Variants in MTERF4 observed in about 807,000 individuals in gnomAD.
The protein encoded by MTERF4 is mitochondrial transcription termination factor 4.
A neutral mutation model predicts 22.5 loss-of-function variants in MTERF4; 17 were observed. That is an observed-to-expected ratio of 0.75 (90% CI 0.52 to 1.13). The LOEUF (loss-of-function observed/expected upper bound fraction) is 1.13, where lower values mean the gene tolerates loss of function less well. MTERF4 is among the 50% of genes most tolerant of loss of function. The probability of loss-of-function intolerance (pLI) is 0.00; values close to 1 mark genes in which losing one functional copy is unlikely to be tolerated. For synonymous variants in MTERF4, 165 were observed against 175.3 expected (o/e 0.94, Z 0.47); for missense variants, 420 against 466.8 (o/e 0.90, Z 0.92).
At chr2:241,089,646 A>T (rs1034565054), downstream of MTERF4, among the ~76,000 whole-genome samples, 1 of 152,122 alleles carries the variant, frequency 6.6e-6, no homozygotes, top group African/African-American at 2.4e-5. Context: ...TCCCGCTCCC[A>T]CCTCACCCTC....
the MTERF4 span, chr2:241,063,312 G>A: frequency 1.2e-3 from 609 of 521,120 alleles, no homozygotes; most frequent in Non-Finnish European, 1.7e-3. Context: ...CCAGGGAGCC[G>A]TGCCCAGTCG....
At chr2:241,087,455 C>A, downstream of MTERF4, 1 of 1,603,246 alleles carries the variant, frequency 6.2e-7, no homozygotes, top group Non-Finnish European at 8.5e-7. Flanking sequence ...AAAGCACAAG[C>A]CTCAAGAAGA....
At chr2:241,087,234 A>G (rs13411556), downstream of MTERF4, 77,485 of 619,280 alleles carry the variant, frequency 0.13, 6,749 homozygotes, top group African/African-American at 0.34. Flanking sequence ...TATGTTAGAC[A>G]TTTTAATACA....
In MTERF4 at chr2:241,102,127, A is replaced by G. The variant is rs557910239; in HGVS notation, c.21+126T>C. The stretch of plus-strand genomic sequence containing the variant: ...GGGTCCAGGATGCCAAAACCAGGTC[A>G]GCGTGCACGGACCTCCGGGAGGGCT... On this transcript the variant is annotated intron_variant, in intron 1 of 3. Coordinates refer to ENST00000391980, the MANE Select transcript of MTERF4 (RefSeq NM_182501.4). 2.5e-5 allele frequency: 33 copies of G among 1,315,808 alleles called. No homozygotes were observed. The African/African-American group carries it at 3.8e-4, about 15-fold the overall frequency. 81.5% of individuals were successfully genotyped at this position (1,315,808 alleles called of 1,614,324 possible). A position where few individuals can be genotyped will look rare whatever the true frequency, so the allele number is the denominator to read the frequency against.
the MTERF4 span, among the ~76,000 whole-genome samples, chr2:241,057,934 T>C: frequency 3.2e-4 from 48 of 152,066 alleles, no homozygotes; most frequent in Non-Finnish European, 6.3e-4. Context: ...AAAAAAGTAA[T>C]CAGAAGAACA....
the MTERF4 span, chr2:241,050,176 A>G: frequency 3.5e-6 from 2 of 569,388 alleles, no homozygotes; most frequent in Non-Finnish European, 6.3e-6. Context: ...AATAGGCTTC[A>G]TTGCCTGCTC....
chr2:241,069,595 C>A (rs796866596), downstream of MTERF4, among the ~76,000 whole-genome samples: 5 of 152,306 alleles, frequency 3.3e-5, 1 homozygote, highest in African/African-American at 1.2e-4. This position sits in a 1 kb window ranked among gnomAD's most constrained non-coding sequence, Gnocchi z 4.9. Flanking sequence ...GCAGGGGAGT[C>A]TGCACAGGGC....
chr2:241,081,562 AGAG>A (rs2063330420), intron 4 of MTERF4: 3 of 755,378 alleles, frequency 4.0e-6, no homozygotes, highest in Admixed American at 4.2e-5. Flanking sequence ...AGCACACCAC[AGAG>A]GAGTGCACGG....
the MTERF4 span, among the ~76,000 whole-genome samples, chr2:241,058,708 T>C: frequency 5.3e-5 from 8 of 152,214 alleles, no homozygotes; most frequent in Admixed American, 4.6e-4. Flanking sequence ...CGCAGCACTT[T>C]AGGAGGCCGA....
chr2:241,058,416 G>A, the MTERF4 span, among the ~76,000 whole-genome samples: 1 of 152,082 alleles, frequency 6.6e-6, no homozygotes, highest in African/African-American at 2.4e-5. Context: ...GAAAAAAGTA[G>A]AAGGAAAGAG....
At chr2:241,071,879 G>A (rs1482381483), downstream of MTERF4, 21 of 1,597,642 alleles carry the variant, frequency 1.3e-5, no homozygotes, top group Non-Finnish European at 1.6e-5. Flanking sequence ...GTGAGATCAC[G>A]TGAGTGCCAG....
At chr2:241,049,676 G>A in the MTERF4 span, 1 of 633,568 alleles carries the variant, frequency 1.6e-6, no homozygotes, top group Non-Finnish European at 2.8e-6. Context: ...GAATCAAGAT[G>A]CCCACAGAGT....
chr2:241,053,089 C>A, the MTERF4 span: 106 of 1,499,110 alleles, frequency 7.1e-5, no homozygotes, highest in Non-Finnish European at 8.9e-5. Flanking sequence ...CGGGCAGAGG[C>A]AGGGCGGTGG....
downstream of MTERF4, chr2:241,071,708 C>T: frequency 4.1e-6 from 6 of 1,474,114 alleles, no homozygotes; most frequent in South Asian, 3.7e-5. Context: ...GAGACCCCCA[C>T]CCAGCCCCCC....
At chr2:241,088,071 CTTCCCTAGG>C (rs938650824), downstream of MTERF4, 705 of 467,408 alleles carry the variant, frequency 1.5e-3, 4 homozygotes, top group South Asian at 3.4e-3. Flanking sequence ...GTCACCGGCT[CTTCCCTAGG>C]GTAGCTTTTG....
Position 241,096,857 on chromosome 2 carries a change from A to G in MTERF4, c.705+386T>C. 1 of 568,052 alleles carries G rather than the reference A, an allele frequency of 1.8e-6. No individual in the cohort carries two copies. The highest frequency in any genetic ancestry group is 3.2e-6 in the Non-Finnish European group (1 of 316,948). 35.2% of individuals were successfully genotyped at this position (568,052 alleles called of 1,614,324 possible). On this transcript the variant is annotated intron_variant, in intron 3 of 3. Transcript: ENST00000391980. The surrounding 1 kb of genome is among the most constrained non-coding windows in gnomAD (Gnocchi z 5.1). Reference sequence around the variant, plus strand: ...ATTACATTTTCAAAATCAACATGCAAAATAGATTCTAAGGACAGGAAGGTT... The same window carrying G: ...ATTACATTTTCAAAATCAACATGCAGAATAGATTCTAAGGACAGGAAGGTT...
the MTERF4 span, chr2:241,049,146 C>T: frequency 5.6e-3 from 8,935 of 1,602,062 alleles, 465 homozygotes; most frequent in African/African-American, 0.11. Context: ...GTGAGTAGCT[C>T]GGGGACGAGC....
chr2:241,052,914 G>T, the MTERF4 span, among the ~76,000 whole-genome samples: 1 of 151,354 alleles, frequency 6.6e-6, no homozygotes, highest in Non-Finnish European at 1.5e-5. Context: ...CTAGAGGGGG[G>T]TCAAGTGGGG....
chr2:241,072,248 G>A, exon 5 of MTERF4: 1 of 457,004 alleles, frequency 2.2e-6, no homozygotes, highest in Non-Finnish European at 4.3e-6. Flanking sequence ...GGCCATGAGG[G>A]TCTAACCCGC....
Sources: gnomAD v4.1 joint callset for allele counts (sites outside exome capture counted in the v4.1 genomes callset) on GRCh38, gnomAD v4.1.1 for gene constraint, Gnocchi (gnomAD v3.1) non-coding constraint, MANE v1.5 for transcripts, NCBI Gene and HGNC (gene_info 2026-07-23, HGNC 2026-07-21) for gene names.